The following NIPBL variants were observed in gnomAD, a reference collection of about 807,000 sequenced individuals.
The protein encoded by NIPBL is nipped-B-like protein.
Under a neutral mutation model 321.8 loss-of-function variants are expected in NIPBL, and 19 were observed. That is an observed-to-expected ratio of 0.06 (90% CI 0.04 to 0.09). The LOEUF (loss-of-function observed/expected upper bound fraction) is 0.09. Among genes scored for constraint, NIPBL ranks in the 10% least tolerant of loss-of-function variants. NIPBL has a pLI of 1.00. For missense variants in NIPBL, 2,210 were observed against 3,327.0 expected, an observed-to-expected ratio of 0.66 and a Z score of 8.26; for synonymous variants, 1,106 against 1,114.1, an observed-to-expected ratio of 0.99 and a Z score of 0.14.
At chr5:36,946,386 A>G (rs796672684) in intron 1 of NIPBL, among the ~76,000 whole-genome samples, 2 of 151,740 alleles carry the variant, frequency 1.3e-5, no homozygotes, top group African/African-American at 4.8e-5. Flanking sequence ...CCAAATTCTT[A>G]TTTTCCTCAG....
At chr5:36,984,349 C>T (rs1048136790) in intron 9 of NIPBL, among the ~76,000 whole-genome samples, 6 of 151,990 alleles carry the variant, frequency 3.9e-5, no homozygotes, top group Admixed American at 3.9e-4. Context: ...TTATCCGTGA[C>T]ATCTATGAAC....
intron 32 of NIPBL, among the ~76,000 whole-genome samples, chr5:37,027,925 T>A (rs988193866): frequency 6.6e-6 from 1 of 152,140 alleles, no homozygotes; most frequent in Non-Finnish European, 1.5e-5. Flanking sequence ...GGCCTTCAGT[T>A]GTCTATTGTA....
At chr5:36,931,072 T>C (rs537629949) in intron 1 of NIPBL, among the ~76,000 whole-genome samples, 1 of 152,316 alleles carries the variant, frequency 6.6e-6, no homozygotes, top group Admixed American at 6.5e-5. Context: ...TAAAACAGTT[T>C]ATAAAAGTTT....
chr5:37,049,384 T>A, intron 40 of NIPBL, 83 bp downstream of exon 40: 1 of 1,398,810 alleles, frequency 7.1e-7, no homozygotes, highest in Non-Finnish European at 1.0e-6. Context: ...AGAGAATAAG[T>A]AGTTCTTCGT....
chr5:36,901,309 G>T (rs1458316738), intron 1 of NIPBL, among the ~76,000 whole-genome samples: 1 of 152,122 alleles, frequency 6.6e-6, no homozygotes, highest in Non-Finnish European at 1.5e-5. Flanking sequence ...GTATTCCATG[G>T]TGTATATGTA....
intron 2 of NIPBL, among the ~76,000 whole-genome samples, chr5:36,954,438 C>G (rs560073132): frequency 1.3e-5 from 2 of 152,152 alleles, no homozygotes; most frequent in South Asian, 4.2e-4. Context: ...AGGAAATAAG[C>G]GTAACTAGTT....
chr5:36,923,108 A>ACAT (rs1749076524), intron 1 of NIPBL, among the ~76,000 whole-genome samples: 5 of 151,856 alleles, frequency 3.3e-5, no homozygotes, highest in Non-Finnish European at 7.4e-5. Flanking sequence ...CCAACATACA[A>ACAT]AATTACAAAA....
intron 32 of NIPBL, among the ~76,000 whole-genome samples, chr5:37,033,023 G>C (rs1424038527): frequency 6.6e-6 from 1 of 152,100 alleles, no homozygotes; most frequent in African/African-American, 2.4e-5. Context: ...TAAGTGCATG[G>C]CTAATATATG....
Position 36,917,589 on chromosome 5 carries a change from G to A in NIPBL, c.-79-36029G>A, listed in dbSNP as rs1045660762. Among the ~76,000 whole-genome samples, 14 of 152,108 alleles carry A rather than the reference G, an allele frequency of 9.2e-5. 1 individual carries two copies. In the East Asian group the frequency reaches 1.3e-3, roughly 15 times the overall value. On this transcript the variant is annotated intron_variant, in intron 1 of 46. Transcript: ENST00000282516. ...ACATGTCATTTAGTAATGACATGAA[G>A]TCCTTGCCCATGCCTATGTCCTGAA...
intron 32 of NIPBL, among the ~76,000 whole-genome samples, chr5:37,028,849 G>A (rs1002597719): frequency 6.6e-6 from 1 of 152,090 alleles, no homozygotes; most frequent in Non-Finnish European, 1.5e-5. Context: ...TGCTTTGGTT[G>A]ATATACTCTT....
At chr5:36,951,329 C>T (rs534672359) in intron 1 of NIPBL, among the ~76,000 whole-genome samples, 1 of 152,134 alleles carries the variant, frequency 6.6e-6, no homozygotes, top group Admixed American at 6.5e-5. Context: ...CAGTAGAATC[C>T]TCTAGCATAT....
In NIPBL at chr5:36,890,920, G is replaced by C. The variant is rs539644471; in HGVS notation, c.-80+13742G>C. Among the ~76,000 whole-genome samples, 20 of 152,306 alleles carry C rather than the reference G, an allele frequency of 1.3e-4. No individual in the cohort carries two copies. The South Asian group carries it at 3.9e-3, about 30-fold the overall frequency. On this transcript the variant is annotated intron_variant, in intron 1 of 46. Transcript: ENST00000282516. ...CATTCTCTTGTACATCAAACACTGA[G>C]TGATTCCTATGTCTTTTCTCAGGAG... is the stretch of plus-strand genomic sequence containing the variant.
At chr5:36,912,034 A>C (rs988310473) in intron 1 of NIPBL, among the ~76,000 whole-genome samples, 2 of 152,222 alleles carry the variant, frequency 1.3e-5, no homozygotes, top group African/African-American at 4.8e-5. Flanking sequence ...GTGTGATACA[A>C]TGAGGAAGCT....
chr5:36,977,766 C>G (rs1743658392), intron 9 of NIPBL, among the ~76,000 whole-genome samples: 1 of 151,698 alleles, frequency 6.6e-6, no homozygotes, highest in Non-Finnish European at 1.5e-5. Flanking sequence ...CCCTTTTTCC[C>G]CCTTTTTGAG....
At chr5:36,927,236 AT>A (rs1303556785) in intron 1 of NIPBL, among the ~76,000 whole-genome samples, 5 of 152,166 alleles carry the variant, frequency 3.3e-5, no homozygotes, top group African/African-American at 1.2e-4. Flanking sequence ...ACACTTACAT[AT>A]TATAAGTATT....
Position 37,048,498 on chromosome 5 carries a change from A to T in NIPBL, c.6590-4A>T. ...TATGATGAGATTTTTCCCCTCTCCC[A>T]TAGGATTTGCCTTTATTCAGCATCC... is the stretch of plus-strand genomic sequence containing the variant. On this transcript the variant is annotated splice_region_variant and splice_polypyrimidine_tract_variant and intron_variant, in intron 38 of 46. Transcript: ENST00000282516. The T allele has an allele frequency of 6.4e-7, 1 of 1,551,866 alleles. No homozygotes were observed. Among genetic ancestry groups the T allele is most frequent in the Non-Finnish European group, 8.7e-7 (1 of 1,146,768 alleles).
At chr5:36,967,744 C>T (rs573430600) in intron 6 of NIPBL, among the ~76,000 whole-genome samples, 18 of 152,222 alleles carry the variant, frequency 1.2e-4, no homozygotes, top group African/African-American at 4.3e-4. Context: ...ACAGGCTAGA[C>T]TCAAACTCCT....
intron 1 of NIPBL, among the ~76,000 whole-genome samples, chr5:36,931,221 AGTCTGTTCTG>A (rs1402030235): frequency 6.6e-6 from 1 of 151,502 alleles, no homozygotes; most frequent in African/African-American, 2.4e-5. Context: ...TTTCTTGTTG[AGTCTGTTCTG>A]GTAATTTGTC....
intron 29 of NIPBL, 62 bp downstream of exon 29, chr5:37,022,452 TGTTTTA>T: frequency 7.0e-7 from 1 of 1,423,856 alleles, no homozygotes; most frequent in Non-Finnish European, 9.5e-7. Context: ...CATCATGTTT[TGTTTTA>T]AAGTGTTAAG....
Sources: allele counts gnomAD v4.1 joint callset (sites outside exome capture counted in the v4.1 genomes callset), GRCh38; gene constraint gnomAD v4.1.1; transcripts MANE v1.5; gene names NCBI Gene and HGNC (gene_info 2026-07-23, HGNC 2026-07-21).